Variants in NLGN2 observed in about 807,000 individuals in gnomAD.
The protein encoded by NLGN2 is neuroligin 2.
NLGN2 carries 11 observed loss-of-function variants against 48.6 expected under a neutral mutation model. The ratio of observed to expected loss-of-function variants is 0.23; its 90% confidence interval spans 0.14 to 0.37. NLGN2 has a LOEUF of 0.37. NLGN2 is among the 10% of genes least tolerant of loss of function. The probability of loss-of-function intolerance (pLI) is 1.00; values close to 1 mark genes in which losing one functional copy is unlikely to be tolerated. For synonymous variants in NLGN2, 548 were observed against 550.0 expected, an observed-to-expected ratio of 1.00 and a Z score of 0.05; for missense variants, 801 against 1,225.2, an observed-to-expected ratio of 0.65 and a Z score of 5.17.
chr17:7,414,199 C>G, intron 2 of NLGN2, 145 bp from the exon 3 acceptor site: 1 of 710,064 alleles, frequency 1.4e-6, no homozygotes. Flanking sequence ...GGAATCCGGT[C>G]TTGCCCCCCA....
At chr17:7,414,271 C>G (rs1050039728) in intron 2 of NLGN2, 73 bp from the exon 3 acceptor site, 6 of 1,419,212 alleles carry the variant, frequency 4.2e-6, no homozygotes, top group Non-Finnish European at 5.9e-6. Flanking sequence ...GGGAGCTGGG[C>G]GCTGCTGCTT....
intron 1 of NLGN2, among the ~76,000 whole-genome samples, chr17:7,410,970 T>C (rs1238405607): frequency 1.3e-5 from 2 of 152,186 alleles, no homozygotes; most frequent in African/African-American, 4.8e-5. Context: ...TTCCAGAGCT[T>C]GCCTTGGCCT....
At chr17:7,414,113 T>G (rs1481817244) in intron 2 of NLGN2, among the ~76,000 whole-genome samples, 1 of 151,594 alleles carries the variant, frequency 6.6e-6, no homozygotes. Flanking sequence ...AAGTCTGCAT[T>G]GGAGAAGTGC....
At position 7,408,168 on chromosome 17, in the gene NLGN2, C is replaced by CGAG; in HGVS notation, c.-86_-84dup. ...CCCCCGCCCCTCCTCCCTCCTGGGGCGAGGGGGGCCTCCCTCCCTCTCCCC... is the reference window on the plus strand; with the variant it reads ...CCCCCGCCCCTCCTCCCTCCTGGGGCGAGGAGGGGGGCCTCCCTCCCTCTCCCC... On this transcript the variant is annotated 5_prime_UTR_variant, in exon 1 of 7. Transcript: ENST00000302926. The surrounding 1 kb of genome is among the most constrained non-coding windows in gnomAD (Gnocchi z 7.5). 4.6e-6 allele frequency: 3 copies of CGAG among 656,896 alleles called. No homozygotes were observed. Among genetic ancestry groups the CGAG allele is most frequent in the Non-Finnish European group, 4.5e-6 (2 of 444,282 alleles). 40.7% of individuals were successfully genotyped at this position (656,896 alleles called of 1,614,324 possible). A position where few individuals can be genotyped will look rare whatever the true frequency, so the allele number is the denominator to read the frequency against.
intron 2 of NLGN2, among the ~76,000 whole-genome samples, chr17:7,412,698 G>A (rs562886841): frequency 7.2e-5 from 11 of 151,788 alleles, no homozygotes; most frequent in Admixed American, 3.9e-4. Flanking sequence ...CACAGAAAAC[G>A]CAAACATTCG....
At chr17:7,412,893 T>TTTTC (rs571146872) in intron 2 of NLGN2, among the ~76,000 whole-genome samples, 74 of 103,846 alleles carry the variant, frequency 7.1e-4, no homozygotes, top group Non-Finnish European at 1.1e-3. Flanking sequence ...TTGGTTGTTT[T>TTTTC]TTTCTTTCTT....
rs148886383 is a variant in NLGN2 at position 7,411,400 on chromosome 17, C to T, written c.458-757C>T. ...AGGGCAAGACCTGATGACCCCCTTC[C>T]CTGCTTTGCCCACACTGGGGAGCTG... On this transcript the variant is annotated intron_variant, in intron 1 of 6. Transcript: ENST00000302926. This position sits in a 1 kb window ranked among gnomAD's most constrained non-coding sequence, Gnocchi z 4.5. 1.1e-3 allele frequency among the ~76,000 whole-genome samples: 170 copies of T among 152,318 alleles called. No homozygotes were observed. The highest frequency in any genetic ancestry group is 3.7e-3 in the African/African-American group (153 of 41,566).
chr17:7,417,218 C>A lies in NLGN2; in HGVS notation c.1927C>A (p.Pro643Thr), dbSNP rs781477951. The A allele has an allele frequency of 6.5e-7, 1 of 1,535,558 alleles. No individual in the cohort carries two copies. Residue 643 changes from proline to threonine, a missense_variant, in exon 7 of 7, where the codon CCC becomes ACC. Around this residue, in one of 5 missense-constraint regions of NLGN2, gnomAD observed 276 missense variants for 313.9 expected, o/e 0.88. Transcript: ENST00000302926. Reference protein sequence around the residue: ...PPAGAPGTRRPPPPATLPPEP... With the variant: ...PPAGAPGTRRTPPPATLPPEP... The stretch of plus-strand genomic sequence containing the variant: ...CGCTGGCGCCCCGGGCACACGCCGG[C>A]CCCCGCCGCCTGCCACCCTGCCTCC...
chr17:7,407,076 T>A (rs1442267250), upstream of NLGN2, among the ~76,000 whole-genome samples: 1 of 152,104 alleles, frequency 6.6e-6, no homozygotes, highest in Non-Finnish European at 1.5e-5. Flanking sequence ...ATATACTTCT[T>A]CCTCTATGTT....
At position 7,413,149 on chromosome 17, in the gene NLGN2, C is replaced by G. The variant is rs780022545; in HGVS notation, c.508+942C>G. Among the ~76,000 whole-genome samples, 2 of 152,198 alleles carry G rather than the reference C, an allele frequency of 1.3e-5. No homozygotes were observed. The highest frequency in any genetic ancestry group is 2.4e-5 in the African/African-American group (1 of 41,436). ...AGGAGAGGACAGGATTTGAGGAGAA[C>G]CCAGCGAGGGTGCTGCCCACATAGA... On this transcript the variant is annotated intron_variant, in intron 2 of 6. Transcript: ENST00000302926. This position sits in a 1 kb window ranked among gnomAD's most constrained non-coding sequence, Gnocchi z 4.9.
Position 7,417,816 on chromosome 17 carries a change from C to A in NLGN2, c.*17C>A. ...CGGGTATAGGGGGTGGGTGGGGAGGCCCTCCTCCCCGGCCCTCCCTGGCCC... is the reference window on the plus strand; with the variant it reads ...CGGGTATAGGGGGTGGGTGGGGAGGACCTCCTCCCCGGCCCTCCCTGGCCC... On this transcript the variant is annotated 3_prime_UTR_variant, in exon 7 of 7. Coordinates refer to ENST00000302926, the MANE Select transcript of NLGN2 (RefSeq NM_020795.4). 1 of 1,338,112 alleles carries A rather than the reference C, an allele frequency of 7.5e-7. No individual in the cohort carries two copies. Among genetic ancestry groups the A allele is most frequent in the South Asian group, 2.1e-5 (1 of 48,050 alleles). 82.9% of individuals were successfully genotyped at this position (1,338,112 alleles called of 1,614,324 possible). A position where few individuals can be genotyped will look rare whatever the true frequency, so the allele number is the denominator to read the frequency against.
At position 7,417,241 on chromosome 17, in the gene NLGN2, TC is replaced by T; in HGVS notation, c.1953del (p.Glu652SerfsTer25). 6.5e-7 allele frequency: 1 copy of T among 1,540,864 alleles called. No individual in the cohort carries two copies. The highest frequency in any genetic ancestry group is 8.7e-7 in the Non-Finnish European group (1 of 1,147,454). On this transcript the variant is annotated frameshift_variant, in exon 7 of 7. Coordinates refer to ENST00000302926, the MANE Select transcript of NLGN2 (RefSeq NM_020795.4). LOFTEE classifies it low-confidence loss of function (END_TRUNC). The part of the protein sequence containing the change: ...RRPPPPATLP[P>X]EPEPEPGPRA... The stretch of plus-strand genomic sequence containing the variant: ...GGCCCCCGCCGCCTGCCACCCTGCC[TC>T]CCGAGCCCGAGCCCGAGCCCGGCCC...
chr17:7,417,426 T>C lies in NLGN2; in HGVS notation c.2135T>C (p.Leu712Pro), dbSNP rs754121514. 1.2e-6 allele frequency: 2 copies of C among 1,604,308 alleles called. No homozygotes were observed. Among genetic ancestry groups the C allele is most frequent in the Admixed American group, 3.4e-5 (2 of 59,378 alleles). The change falls in exon 7 of 7, where the codon CTT becomes CCT. Residue 712 changes from leucine to proline, a missense_variant. Transcript: ENST00000302926. Reference sequence around the variant, plus strand: ...CGGCAGGAGCTGCGGTGCAGGCGGCTTAGCCCACCTGGCGGCTCAGGCTCT... The same window carrying C: ...CGGCAGGAGCTGCGGTGCAGGCGGCCTAGCCCACCTGGCGGCTCAGGCTCT... Reference protein sequence around the residue: ...DRRQELRCRRLSPPGGSGSGV... With the variant: ...DRRQELRCRRPSPPGGSGSGV...
At position 7,408,060 on chromosome 17, in the gene NLGN2, G is replaced by A. The variant is rs1457767231; in HGVS notation, c.-196G>A. On this transcript the variant is annotated 5_prime_UTR_variant, in exon 1 of 7. The change creates a new upstream start codon in the 5' untranslated region. Coordinates refer to ENST00000302926, the MANE Select transcript of NLGN2 (RefSeq NM_020795.4). This position sits in a 1 kb window ranked among gnomAD's most constrained non-coding sequence, Gnocchi z 7.5. The stretch of plus-strand genomic sequence containing the variant: ...CCATTTCCTTCCCCTTCCCCACCCC[G>A]TGCCCCCTCCATGGAGAGGAACAGA... 3 of 190,278 alleles carry A rather than the reference G, an allele frequency of 1.6e-5. No homozygotes were observed. The highest frequency in any genetic ancestry group is 3.0e-5 in the Non-Finnish European group (3 of 99,562). The allele number at this position is 190,278 out of a possible 1,614,324, so 11.8% of individuals were successfully genotyped here.
rs201523501 is a variant in NLGN2 at position 7,417,551 on chromosome 17, G to A, written c.2260G>A (p.Gly754Arg). 5.3e-3 allele frequency: 7,793 copies of A among 1,457,454 alleles called. 32 individuals carry two copies. The highest frequency in any genetic ancestry group is 6.1e-3 in the Non-Finnish European group (6,806 of 1,110,816). The allele number at this position is 1,457,454 out of a possible 1,614,324, so 90.3% of individuals were successfully genotyped here. The change falls in exon 7 of 7, where the codon GGG becomes AGG. Residue 754 changes from glycine to arginine, a missense_variant. Gly to Arg is a moderately radical substitution (Grantham distance 125, BLOSUM62 -2). Transcript: ENST00000302926. ...GCAGCTGAAGCGGGGTGGTGGCGTC[G>A]GGGCGGACCCTGCCGAGGCTCTGCG... ...SLQLKRGGGVGADPAEALRPA... is the reference protein window; with the variant it reads ...SLQLKRGGGVRADPAEALRPA...
At chr17:7,409,361 G>C (rs1055747481) in intron 1 of NLGN2, among the ~76,000 whole-genome samples, 1 of 151,954 alleles carries the variant, frequency 6.6e-6, no homozygotes, top group African/African-American at 2.4e-5. Flanking sequence ...CGTCTTCCCT[G>C]GGGCTCTTGA....
In NLGN2 at chr17:7,417,287, C is replaced by T; in HGVS notation, c.1996C>T (p.Pro666Ser). Residue 666 changes from proline (P) to serine (S), a missense_variant, in exon 7 of 7, where the codon CCC becomes TCC. This residue lies in a region of NLGN2 where 276 missense variants were observed against 313.9 expected (regional missense o/e 0.88). Coordinates refer to ENST00000302926, the MANE Select transcript of NLGN2 (RefSeq NM_020795.4). ...CGGCCCAAGGGCCTATGACCGCTTC[C>T]CCGGGGACTCACGGGACTACTCCAC... ...EPGPRAYDRFPGDSRDYSTEL... is the reference protein window; with the variant it reads ...EPGPRAYDRFSGDSRDYSTEL... 1 of 1,601,940 alleles carries T rather than the reference C, an allele frequency of 6.2e-7. No individual in the cohort carries two copies.
chr17:7,417,649 G>C lies in NLGN2; in HGVS notation c.2358G>C (p.Gly786=). The change falls in exon 7 of 7, where the codon GGG becomes GGC. Residue 786 remains glycine (G), a synonymous_variant. Coordinates refer to ENST00000302926, the MANE Select transcript of NLGN2 (RefSeq NM_020795.4). ...APDDVPLLAP[G]ALTLLPSGLG... is the part of the protein sequence containing the mutation. ...ACGATGTGCCTCTCTTGGCCCCCGGGGCCCTGACCCTGCTGCCCAGTGGCC... is the reference window on the plus strand; with the variant it reads ...ACGATGTGCCTCTCTTGGCCCCCGGCGCCCTGACCCTGCTGCCCAGTGGCC... The C allele has an allele frequency of 7.1e-7, 1 of 1,400,764 alleles. No homozygotes were observed. The allele number at this position is 1,400,764 out of a possible 1,614,324, so 86.8% of individuals were successfully genotyped here. A position where few individuals can be genotyped will look rare whatever the true frequency, so the allele number is the denominator to read the frequency against.
chr17:7,408,599 C>G lies in NLGN2; in HGVS notation c.344C>G (p.Pro115Arg). The G allele has an allele frequency of 6.3e-7, 1 of 1,589,130 alleles. No individual in the cohort carries two copies. The highest frequency in any genetic ancestry group is 8.6e-7 in the Non-Finnish European group (1 of 1,169,304). Residue 115 changes from proline (P) to arginine (R), a missense_variant, in exon 1 of 7, where the codon CCC becomes CGC. Around this residue, in one of 5 missense-constraint regions of NLGN2, gnomAD observed 164 missense variants for 186.2 expected, o/e 0.88. Coordinates refer to ENST00000302926, the MANE Select transcript of NLGN2 (RefSeq NM_020795.4). This position sits in a 1 kb window ranked among gnomAD's most constrained non-coding sequence, Gnocchi z 7.5. ...CCGCAGAACCTGCACGGGGCGCTGC[C>G]CGCCATCATGCTGCCTGTGTGGTTC... ...ACPQNLHGAL[P>R]AIMLPVWFTD...
Sources: allele counts gnomAD v4.1 joint callset (sites outside exome capture counted in the v4.1 genomes callset), GRCh38; gene constraint gnomAD v4.1.1; regional missense constraint gnomAD v4.1.1; non-coding constraint Gnocchi (gnomAD v3.1); transcripts MANE v1.5; gene names NCBI Gene and HGNC (gene_info 2026-07-23, HGNC 2026-07-21).